Variants in PAM observed in about 807,000 individuals in gnomAD.
The protein encoded by PAM is peptidylglycine alpha-amidating monooxygenase.
Under a neutral mutation model 122.1 loss-of-function variants are expected in PAM, and 72 were observed. The observed-to-expected ratio is 0.59, with a 90% confidence interval of 0.49 to 0.72. The LOEUF (loss-of-function observed/expected upper bound fraction) is 0.72. PAM is among the 30% of genes least tolerant of loss of function. The pLI is 0.00. For synonymous variants in PAM, 389 were observed against 404.4 expected, an observed-to-expected ratio of 0.96 and a Z score of 0.46; for missense variants, 1,106 against 1,183.7, an observed-to-expected ratio of 0.93 and a Z score of 0.96.
At chr5:102,995,766 ATT>A (rs940379769) in intron 16 of PAM, among the ~76,000 whole-genome samples, 2 of 151,508 alleles carry the variant, frequency 1.3e-5, no homozygotes, top group African/African-American at 4.8e-5. Context: ...GTCATACTGA[ATT>A]TTTTTTGTCT....
At chr5:102,980,698 G>A (rs1427318837) in intron 15 of PAM, among the ~76,000 whole-genome samples, 1 of 152,002 alleles carries the variant, frequency 6.6e-6, no homozygotes, top group Non-Finnish European at 1.5e-5. Context: ...GGTGACACTG[G>A]AAGCAAAAGT....
intron 1 of PAM, among the ~76,000 whole-genome samples, chr5:102,829,232 C>T (rs1774641516): frequency 6.6e-6 from 1 of 152,018 alleles, no homozygotes; most frequent in African/African-American, 2.4e-5. Context: ...ATTCTCGGTA[C>T]ACCAACGTTA....
At chr5:102,820,971 G>C (rs989292351) in intron 1 of PAM, among the ~76,000 whole-genome samples, 1 of 152,154 alleles carries the variant, frequency 6.6e-6, no homozygotes, top group Non-Finnish European at 1.5e-5. Flanking sequence ...GGATTAGATT[G>C]GTAAAGCTAA....
At chr5:102,965,474 G>A (rs978583742) in intron 14 of PAM, among the ~76,000 whole-genome samples, 2 of 151,774 alleles carry the variant, frequency 1.3e-5, no homozygotes, top group African/African-American at 2.4e-5. Context: ...TGAAACTTAC[G>A]TCTGTTGTAT....
chr5:102,839,703 T>A (rs557876474), intron 1 of PAM, among the ~76,000 whole-genome samples: 3 of 152,222 alleles, frequency 2.0e-5, no homozygotes, highest in Admixed American at 6.5e-5. Context: ...GCCAAAGAAA[T>A]TTTATCCAGT....
At chr5:102,805,490 G>GT in intron 1 of PAM, among the ~76,000 whole-genome samples, 1 of 152,144 alleles carries the variant, frequency 6.6e-6, no homozygotes, top group East Asian at 1.9e-4. Context: ...AAAAGAAGGT[G>GT]TACTGTTATC....
At chr5:102,860,196 C>T (rs1273261169) in intron 1 of PAM, among the ~76,000 whole-genome samples, 1 of 152,068 alleles carries the variant, frequency 6.6e-6, no homozygotes, top group Non-Finnish European at 1.5e-5. Flanking sequence ...CATTGGAGCC[C>T]ATATTAGGTA....
In PAM at chr5:102,919,582, A is replaced by G. The variant is rs575505294; in HGVS notation, c.357-5375A>G. On this transcript the variant is annotated intron_variant, in intron 5 of 25. Coordinates refer to ENST00000438793, the MANE Select transcript of PAM (RefSeq NM_001177306.2). ...TGTCAGTATAAATAAAAATAACAGA[A>G]TCTCCCAAATCTACACTGTCTCTTG... Among the ~76,000 whole-genome samples, 4 of 151,896 alleles carry G rather than the reference A, an allele frequency of 2.6e-5. No homozygotes were observed. In the South Asian group the frequency reaches 8.3e-4, roughly 32 times the overall value.
intron 1 of PAM, among the ~76,000 whole-genome samples, chr5:102,847,830 A>C (rs1191869933): frequency 1.3e-5 from 2 of 152,228 alleles, no homozygotes; most frequent in Non-Finnish European, 1.5e-5. Flanking sequence ...TTTTATCTTT[A>C]AATACACACT....
chr5:102,875,627 T>G (rs1178102380), intron 3 of PAM, among the ~76,000 whole-genome samples: 2 of 152,232 alleles, frequency 1.3e-5, no homozygotes, highest in Non-Finnish European at 2.9e-5. Context: ...GAAGAATTTT[T>G]TTTGTTGTTA....
chr5:102,840,727 C>T (rs1778358351), intron 1 of PAM, among the ~76,000 whole-genome samples: 1 of 152,122 alleles, frequency 6.6e-6, no homozygotes, highest in South Asian at 2.1e-4. Flanking sequence ...TCTCATGGTC[C>T]AATACAGCTG....
chr5:102,794,278 G>T (rs1762796603), intron 1 of PAM, among the ~76,000 whole-genome samples: 1 of 152,192 alleles, frequency 6.6e-6, no homozygotes, highest in Admixed American at 6.5e-5. Context: ...TGGAGTGGAG[G>T]TGTGATTTCA....
At position 102,779,829 on chromosome 5, in the gene PAM, C is replaced by T. The variant is rs558289005; in HGVS notation, c.-374+24481C>T. ...GCTCTCAATGCTCCTCGCCTGCAGACGGCCTATTGTGGGACCTTGTGATCA... is the reference window on the plus strand; with the variant it reads ...GCTCTCAATGCTCCTCGCCTGCAGATGGCCTATTGTGGGACCTTGTGATCA... On this transcript the variant is annotated intron_variant, in intron 1 of 25. Transcript: ENST00000438793. Among the ~76,000 whole-genome samples the T allele has an allele frequency of 8.5e-4, 124 of 146,438 alleles. 1 individual carries two copies. Among genetic ancestry groups the T allele is most frequent in the South Asian group, 1.7e-3 (8 of 4,592 alleles).
At chr5:102,807,043 G>A (rs1003210124) in intron 1 of PAM, among the ~76,000 whole-genome samples, 20 of 152,090 alleles carry the variant, frequency 1.3e-4, no homozygotes, top group East Asian at 1.9e-4. Context: ...TATACAGTAC[G>A]GAATGACAAC....
At chr5:102,825,898 G>C (rs534823408) in intron 1 of PAM, among the ~76,000 whole-genome samples, 1 of 152,274 alleles carries the variant, frequency 6.6e-6, no homozygotes, top group Admixed American at 6.5e-5. Context: ...AGTATTATGA[G>C]AAATAAATGA....
At chr5:102,757,485 T>C (rs1297629344) in intron 1 of PAM, among the ~76,000 whole-genome samples, 2 of 152,218 alleles carry the variant, frequency 1.3e-5, no homozygotes, top group African/African-American at 4.8e-5. Flanking sequence ...AATTCTGTGT[T>C]TTTAGAATGA....
intron 7 of PAM, among the ~76,000 whole-genome samples, chr5:102,935,969 T>C (rs548878978): frequency 2.6e-5 from 4 of 152,256 alleles, no homozygotes; most frequent in East Asian, 1.9e-4. Flanking sequence ...CAAGAGCCAA[T>C]TGGTAATTTG....
intron 3 of PAM, among the ~76,000 whole-genome samples, chr5:102,893,119 C>G (rs957940093): frequency 1.3e-5 from 2 of 151,656 alleles, no homozygotes; most frequent in South Asian, 4.2e-4. Flanking sequence ...CTCCTCTTCC[C>G]TTTTTTATTT....
chr5:102,918,772 T>C (rs1015065261), intron 5 of PAM, among the ~76,000 whole-genome samples: 2 of 152,094 alleles, frequency 1.3e-5, no homozygotes, highest in Non-Finnish European at 2.9e-5. Context: ...GCTTGTGCAT[T>C]TTTTATTCTG....
Sources: gnomAD v4.1 joint callset for allele counts (sites outside exome capture counted in the v4.1 genomes callset) on GRCh38, gnomAD v4.1.1 for gene constraint, MANE v1.5 for transcripts, NCBI Gene and HGNC (gene_info 2026-07-23, HGNC 2026-07-21) for gene names.